The following TRMT11 variants were observed in gnomAD, a reference collection of about 807,000 sequenced individuals.
The protein encoded by TRMT11 is tRNA (guanine(10)-N(2))-methyltransferase TRMT11.
TRMT11 carries 53 observed loss-of-function variants against 62.8 expected under a neutral mutation model. That is an observed-to-expected ratio of 0.84 (90% confidence interval 0.68 to 1.06). The LOEUF is 1.06. Ranked by LOEUF, TRMT11 falls within the 50% of genes least tolerant of loss-of-function variation. The probability of loss-of-function intolerance (pLI) is 0.00; values close to 1 mark genes in which losing one functional copy is unlikely to be tolerated. For missense variants in TRMT11, 556 were observed against 553.4 expected (o/e 1.00, Z -0.05); for synonymous variants, 188 against 190.3 (o/e 0.99, Z 0.10).
chr6:126,198,147 C>T (rs1207552857), intron 1 of TRMT11, among the ~76,000 whole-genome samples: 1 of 152,178 alleles, frequency 6.6e-6, no homozygotes, highest in East Asian at 1.9e-4. Context: ...CTGTCAATTA[C>T]TGCCATCTCT....
At chr6:126,222,612 T>C in the TRMT11 span, among the ~76,000 whole-genome samples, 1 of 152,222 alleles carries the variant, frequency 6.6e-6, no homozygotes, top group Non-Finnish European at 1.5e-5. Flanking sequence ...CCATTCTTGA[T>C]TTGTCTCTCA....
chr6:126,074,134 G>T (rs563382687), intron 17 of TRMT11, among the ~76,000 whole-genome samples: 1 of 152,260 alleles, frequency 6.6e-6, no homozygotes, highest in South Asian at 2.1e-4. Flanking sequence ...CACTCCAGGA[G>T]ATTCTTTTGG....
At chr6:126,087,483 A>C (rs1219190227) in intron 17 of TRMT11, among the ~76,000 whole-genome samples, 1 of 152,266 alleles carries the variant, frequency 6.6e-6, no homozygotes, top group Non-Finnish European at 1.5e-5. Flanking sequence ...CCACTTGAAC[A>C]ATGAGTGAAA....
the TRMT11 span, among the ~76,000 whole-genome samples, chr6:126,232,412 CTT>C: frequency 6.8e-6 from 1 of 147,578 alleles, no homozygotes; most frequent in African/African-American, 2.5e-5. Context: ...CAGTAGAAAA[CTT>C]TTTTTTTTTC....
intron 17 of TRMT11, among the ~76,000 whole-genome samples, chr6:126,073,731 T>C (rs192052114): frequency 3.8e-4 from 58 of 152,262 alleles, no homozygotes; most frequent in African/African-American, 1.3e-3. Flanking sequence ...GTTATATTAT[T>C]TTTCAGTGTC....
At chr6:126,106,978 T>C (rs1777471995) in intron 17 of TRMT11, among the ~76,000 whole-genome samples, 2 of 151,324 alleles carry the variant, frequency 1.3e-5, no homozygotes, top group Admixed American at 1.3e-4. Flanking sequence ...GGGGACACTA[T>C]GATTATTGTC....
At chr6:126,218,568 C>G in the TRMT11 span, among the ~76,000 whole-genome samples, 2 of 152,210 alleles carry the variant, frequency 1.3e-5, no homozygotes, top group Non-Finnish European at 2.9e-5. Context: ...GGTGTCCCAT[C>G]CCTACTGTGA....
the TRMT11 span, among the ~76,000 whole-genome samples, chr6:126,210,817 A>G: frequency 6.6e-6 from 1 of 152,194 alleles, no homozygotes; most frequent in Non-Finnish European, 1.5e-5. Context: ...AATTGTGTTG[A>G]TACCTTGCTC....
intron 1 of TRMT11, among the ~76,000 whole-genome samples, chr6:126,192,852 T>G (rs1007791493): frequency 3.9e-5 from 6 of 152,216 alleles, no homozygotes; most frequent in African/African-American, 1.4e-4. Context: ...TGAGAATTTT[T>G]GGATCTACAT....
chr6:126,226,984 TC>T, the TRMT11 span, among the ~76,000 whole-genome samples: 10 of 152,344 alleles, frequency 6.6e-5, no homozygotes, highest in African/African-American at 2.2e-4. Context: ...CCTGCCACCA[TC>T]TATGTAAGTT....
At chr6:125,994,331 C>CT (rs918127605) in intron 2 of TRMT11, among the ~76,000 whole-genome samples, 3 of 149,964 alleles carry the variant, frequency 2.0e-5, no homozygotes, top group East Asian at 3.9e-4. Flanking sequence ...TTTTCGTGTA[C>CT]TTTTTTTTCC....
At chr6:126,191,251 G>A (rs1778595177) in intron 1 of TRMT11, among the ~76,000 whole-genome samples, 1 of 151,978 alleles carries the variant, frequency 6.6e-6, no homozygotes, top group African/African-American at 2.4e-5. Flanking sequence ...TTTGAGAAAT[G>A]TCTATTCAGA....
chr6:126,008,562 T>C (rs1405455880), intron 8 of TRMT11, 90 bp downstream of exon 8: 1 of 1,102,514 alleles, frequency 9.1e-7, no homozygotes, highest in Non-Finnish European at 1.4e-6. Flanking sequence ...GAACACAAGT[T>C]TGAATTGCAC....
chr6:126,151,801 CTG>C (rs1409197029), intron 21 of TRMT11, among the ~76,000 whole-genome samples: 2 of 77,186 alleles, frequency 2.6e-5, no homozygotes, highest in Non-Finnish European at 5.2e-5. Context: ...TCCTTCCTCT[CTG>C]TCTTTTCTTT....
intron 12 of TRMT11, among the ~76,000 whole-genome samples, chr6:126,027,336 T>A (rs1773370606): frequency 1.3e-5 from 2 of 152,188 alleles, no homozygotes; most frequent in African/African-American, 4.8e-5. Context: ...AGAATCTACT[T>A]GAACAGATGA....
At chr6:126,184,864 A>G (rs1023322278) in intron 1 of TRMT11, among the ~76,000 whole-genome samples, 3 of 152,238 alleles carry the variant, frequency 2.0e-5, no homozygotes, top group African/African-American at 7.2e-5. Context: ...AATCAGAGGC[A>G]GCCTGACAAA....
At chr6:126,226,636 T>C in the TRMT11 span, among the ~76,000 whole-genome samples, 1 of 152,186 alleles carries the variant, frequency 6.6e-6, no homozygotes, top group Non-Finnish European at 1.5e-5. Context: ...ACTCTGAAAC[T>C]ACAGATAGAA....
chr6:126,151,539 G>A (rs1160942858), intron 21 of TRMT11, among the ~76,000 whole-genome samples: 1 of 152,042 alleles, frequency 6.6e-6, no homozygotes, highest in African/African-American at 2.4e-5. Flanking sequence ...AGAGCTCAGG[G>A]TAGACCCAAG....
At chr6:126,127,635 C>T (rs537245767) in intron 21 of TRMT11, among the ~76,000 whole-genome samples, 1 of 151,056 alleles carries the variant, frequency 6.6e-6, no homozygotes, top group African/African-American at 2.4e-5. Context: ...GGTATATCTC[C>T]TAATGCTATC....
Sources: gnomAD v4.1 joint callset for allele counts (sites outside exome capture counted in the v4.1 genomes callset) on GRCh38, gnomAD v4.1.1 for gene constraint, MANE v1.5 for transcripts, NCBI Gene and HGNC (gene_info 2026-07-23, HGNC 2026-07-21) for gene names.